The following HS3ST2 variants were observed in gnomAD, a reference collection of about 807,000 sequenced individuals.
The protein encoded by HS3ST2 is heparan sulfate-glucosamine 3-sulfotransferase 2.
In HS3ST2, 17 loss-of-function variants were observed where a neutral mutation model predicts 26.3. That is an observed-to-expected ratio of 0.65 (90% CI 0.44 to 0.97). The LOEUF is 0.97. HS3ST2 is among the 50% of genes least tolerant of loss of function. HS3ST2 has a pLI of 0.00. For synonymous variants in HS3ST2, 237 were observed against 219.2 expected, an observed-to-expected ratio of 1.08 and a Z score of -0.72; for missense variants, 402 against 501.2, an observed-to-expected ratio of 0.80 and a Z score of 1.89.
At chr16:22,832,994 T>C (rs1901197170) in intron 1 of HS3ST2, among the ~76,000 whole-genome samples, 1 of 151,556 alleles carries the variant, frequency 6.6e-6, no homozygotes, top group African/African-American at 2.4e-5. Context: ...ACATCTACCC[T>C]GGACTGTTGA....
chr16:22,835,756 G>T (rs775499817), intron 1 of HS3ST2, among the ~76,000 whole-genome samples: 1 of 152,126 alleles, frequency 6.6e-6, no homozygotes, highest in Non-Finnish European at 1.5e-5. Context: ...AACGGCAGTT[G>T]TACAACATAT....
intron 1 of HS3ST2, among the ~76,000 whole-genome samples, chr16:22,849,294 A>G (rs925004250): frequency 1.3e-5 from 2 of 152,054 alleles, no homozygotes; most frequent in Admixed American, 6.5e-5. Flanking sequence ...GTAACTCAAT[A>G]CTCTCTTTAA....
At chr16:22,888,665 G>C (rs1035182847) in intron 1 of HS3ST2, among the ~76,000 whole-genome samples, 2 of 152,024 alleles carry the variant, frequency 1.3e-5, no homozygotes, top group African/African-American at 2.4e-5. Flanking sequence ...GATTACAGGC[G>C]TGTGCCACCG....
At chr16:22,884,846 CTT>C (rs71792309) in intron 1 of HS3ST2, among the ~76,000 whole-genome samples, 2 of 138,450 alleles carry the variant, frequency 1.4e-5, no homozygotes, top group Non-Finnish European at 1.5e-5. Context: ...CCCTCTCTGT[CTT>C]TTTTTTTTTT....
rs139925106 is a variant in HS3ST2 at position 22,891,572 on chromosome 16, A to C, written c.486-23372A>C. On this transcript the variant is annotated intron_variant, in intron 1 of 1. Coordinates refer to ENST00000261374, the MANE Select transcript of HS3ST2 (RefSeq NM_006043.2). Reference sequence around the variant, plus strand: ...TTAACATTACAAAGGATTAATTTAAACATTAATTCATAATTACAATTAAAA... The same window carrying C: ...TTAACATTACAAAGGATTAATTTAACCATTAATTCATAATTACAATTAAAA... Among the ~76,000 whole-genome samples the C allele has an allele frequency of 2.6e-3, 393 of 152,362 alleles. 2 individuals are homozygous for C. The highest frequency in any genetic ancestry group is 8.8e-3 in the African/African-American group (364 of 41,582).
chr16:22,858,690 C>T (rs1215997363), intron 1 of HS3ST2, among the ~76,000 whole-genome samples: 1 of 152,034 alleles, frequency 6.6e-6, no homozygotes, highest in African/African-American at 2.4e-5. Flanking sequence ...CAGCTTTGTA[C>T]TGTGTGACCT....
chr16:22,913,149 AG>A (rs1902445710), intron 1 of HS3ST2, among the ~76,000 whole-genome samples: 15 of 48,370 alleles, frequency 3.1e-4, no homozygotes, highest in South Asian at 2.8e-3. Flanking sequence ...GAAGGAAGGA[AG>A]GGAGGGAGGG....
At position 22,897,239 on chromosome 16, in the gene HS3ST2, T is replaced by A. The variant is rs920284676; in HGVS notation, c.486-17705T>A. ...TCCTTTATCACAAGTTGTAATTATTTTTTTTTATTTTGCCCATTATCTCCT... is the reference window on the plus strand; with the variant it reads ...TCCTTTATCACAAGTTGTAATTATTATTTTTTATTTTGCCCATTATCTCCT... On this transcript the variant is annotated intron_variant, in intron 1 of 1. Coordinates refer to ENST00000261374, the MANE Select transcript of HS3ST2 (RefSeq NM_006043.2). Among the ~76,000 whole-genome samples the A allele has an allele frequency of 1.4e-4, 21 of 152,384 alleles. No individual in the cohort carries two copies. In the East Asian group the frequency reaches 2.7e-3, roughly 20 times the overall value.
At chr16:22,870,165 T>C (rs559030665) in intron 1 of HS3ST2, among the ~76,000 whole-genome samples, 1 of 152,270 alleles carries the variant, frequency 6.6e-6, no homozygotes, top group Admixed American at 6.5e-5. Flanking sequence ...TGTGGCACCC[T>C]GGGATACGCT....
At chr16:22,826,304 ATC>A (rs1329468681) in intron 1 of HS3ST2, among the ~76,000 whole-genome samples, 1 of 152,082 alleles carries the variant, frequency 6.6e-6, no homozygotes, top group Non-Finnish European at 1.5e-5. Flanking sequence ...GGGTGTTTGC[ATC>A]TGCTGTTCCT....
chr16:22,820,501 A>G (rs181819302), intron 1 of HS3ST2, among the ~76,000 whole-genome samples: 4 of 152,386 alleles, frequency 2.6e-5, no homozygotes, highest in Admixed American at 1.3e-4. Context: ...AGGCCTCACA[A>G]TCATGACAGA....
At chr16:22,901,085 G>A (rs976364786) in intron 1 of HS3ST2, among the ~76,000 whole-genome samples, 2 of 152,246 alleles carry the variant, frequency 1.3e-5, no homozygotes, top group South Asian at 4.2e-4. Flanking sequence ...CTTTATACGG[G>A]ACTCTCGCAG....
intron 1 of HS3ST2, among the ~76,000 whole-genome samples, chr16:22,907,381 C>G (rs1263509578): frequency 6.6e-6 from 1 of 152,154 alleles, no homozygotes; most frequent in Non-Finnish European, 1.5e-5. Context: ...TGATTGGATT[C>G]CCTGGTGGAC....
chr16:22,847,890 AAG>A (rs775168090), intron 1 of HS3ST2, among the ~76,000 whole-genome samples: 12 of 151,792 alleles, frequency 7.9e-5, no homozygotes, highest in African/African-American at 2.4e-4. Context: ...AAGAGGAAGA[AAG>A]AGAGAAAGAC....
chr16:22,897,652 T>TATAA (rs1567499527), intron 1 of HS3ST2, among the ~76,000 whole-genome samples: 44 of 93,628 alleles, frequency 4.7e-4, no homozygotes, highest in South Asian at 9.1e-4. Context: ...AAAATAAGCA[T>TATAA]CTTTGCCTTG....
chr16:22,817,658 C>T (rs1248700488), intron 1 of HS3ST2, among the ~76,000 whole-genome samples: 2 of 152,204 alleles, frequency 1.3e-5, no homozygotes, highest in African/African-American at 4.8e-5. Context: ...ACTGCCTTGT[C>T]AGTTCACAGC....
chr16:22,858,628 T>C (rs1006111747), intron 1 of HS3ST2, among the ~76,000 whole-genome samples: 3 of 152,022 alleles, frequency 2.0e-5, no homozygotes, highest in Admixed American at 6.6e-5. Context: ...TTTATAAGGA[T>C]GTGAGAGTAG....
At chr16:22,913,223 G>T (rs868721898) in intron 1 of HS3ST2, among the ~76,000 whole-genome samples, 3 of 150,642 alleles carry the variant, frequency 2.0e-5, no homozygotes, top group African/African-American at 4.9e-5. Context: ...GTTCTAACGC[G>T]CAGCCAGGAT....
intron 1 of HS3ST2, among the ~76,000 whole-genome samples, chr16:22,856,883 G>A (rs1317886040): frequency 6.6e-6 from 1 of 152,116 alleles, no homozygotes; most frequent in African/African-American, 2.4e-5. Context: ...CATTTCTGAA[G>A]GCTTTTCCAC....
Sources: allele counts gnomAD v4.1 joint callset (sites outside exome capture counted in the v4.1 genomes callset), GRCh38; gene constraint gnomAD v4.1.1; transcripts MANE v1.5; gene names NCBI Gene and HGNC (gene_info 2026-07-23, HGNC 2026-07-21).